Variants in TMEM74 observed in about 807,000 individuals in gnomAD.
TMEM74 encodes transmembrane protein 74.
A neutral mutation model predicts 18.1 loss-of-function variants in TMEM74; 13 were observed. The ratio of observed to expected loss-of-function variants is 0.72; its 90% CI spans 0.47 to 1.14. The LOEUF (loss-of-function observed/expected upper bound fraction) is 1.14, where lower values mean the gene tolerates loss of function less well. TMEM74 is among the 50% of genes most tolerant of loss of function. The probability of loss-of-function intolerance (pLI) is 0.00; values close to 1 mark genes in which losing one functional copy is unlikely to be tolerated. For missense variants in TMEM74, 372 were observed against 375.9 expected, an observed-to-expected ratio of 0.99 and a Z score of 0.09; for synonymous variants, 159 against 146.6, an observed-to-expected ratio of 1.08 and a Z score of -0.61.
intron 1 of TMEM74, among the ~76,000 whole-genome samples, chr8:108,683,412 T>C (rs1481624163): frequency 6.6e-6 from 1 of 151,836 alleles, no homozygotes; most frequent in Non-Finnish European, 1.5e-5. Context: ...AGCATTTTTT[T>C]CAGACAATAA....
At chr8:108,632,533 C>T (rs994054260) in intron 2 of TMEM74, among the ~76,000 whole-genome samples, 1 of 151,872 alleles carries the variant, frequency 6.6e-6, no homozygotes, top group African/African-American at 2.4e-5. Flanking sequence ...AAACCTCTAA[C>T]TACCATTTCA....
intron 2 of TMEM74, among the ~76,000 whole-genome samples, chr8:108,622,259 C>T (rs1812451263): frequency 6.6e-6 from 1 of 152,080 alleles, no homozygotes; most frequent in Non-Finnish European, 1.5e-5. Flanking sequence ...ATGACCACTA[C>T]TGATGGAACA....
intron 1 of TMEM74, among the ~76,000 whole-genome samples, chr8:108,720,763 TTTG>T (rs1813579689): frequency 6.6e-6 from 1 of 151,864 alleles, no homozygotes; most frequent in African/African-American, 2.4e-5. Context: ...TATTAGTTTG[TTTG>T]TTTGTTTGTT....
chr8:108,747,597 G>A (rs559795075), intron 1 of TMEM74, among the ~76,000 whole-genome samples: 4 of 152,024 alleles, frequency 2.6e-5, no homozygotes, highest in Admixed American at 6.6e-5. Context: ...GGGTACATGT[G>A]CAGGTTTGTT....
At chr8:108,786,756 G>A (rs1814390534) in intron 1 of TMEM74, among the ~76,000 whole-genome samples, 1 of 152,048 alleles carries the variant, frequency 6.6e-6, no homozygotes, top group Admixed American at 6.5e-5. Flanking sequence ...CAGGCATTAG[G>A]GGCTCTGATT....
intron 1 of TMEM74, among the ~76,000 whole-genome samples, chr8:108,735,065 C>T (rs183838577): frequency 2.0e-4 from 31 of 152,228 alleles, no homozygotes; most frequent in African/African-American, 7.0e-4. Context: ...CATCATTCTC[C>T]GTCAATGTCC....
intron 2 of TMEM74, among the ~76,000 whole-genome samples, chr8:108,624,298 G>T (rs1444696324): frequency 6.6e-6 from 1 of 152,080 alleles, no homozygotes; most frequent in Non-Finnish European, 1.5e-5. Flanking sequence ...AATAATGAAT[G>T]CAATAACCTA....
intron 1 of TMEM74, among the ~76,000 whole-genome samples, chr8:108,756,043 T>C (rs1280901224): frequency 6.6e-6 from 1 of 152,004 alleles, no homozygotes; most frequent in Non-Finnish European, 1.5e-5. Flanking sequence ...AAATACTGGG[T>C]AATAAGAAAA....
chr8:108,659,254 A>AACACACACACACACACACAAACACACAC lies in TMEM74; in HGVS notation n.120-3818_120-3817insGTGTGTGTTTGTGTGTGTGTGTGTGTGT, dbSNP rs6150751. Among the ~76,000 whole-genome samples the AACACACACACACACACACAAACACACAC allele has an allele frequency of 8.0e-4, 120 of 149,856 alleles. 2 individuals carry two copies. The South Asian group carries it at 0.016, about 20-fold the overall frequency. On this transcript the variant is annotated intron_variant and non_coding_transcript_variant, in intron 1 of 3. Transcript: ENST00000518838. ...GTGTGGCCTTTATAGATAGCCCACT[A>AACACACACACACACACACAAACACACAC]ACACACACACACATACAGACACACA...
At chr8:108,626,767 A>C (rs1464511861) in intron 2 of TMEM74, 1 of 152,006 alleles carries the variant, frequency 6.6e-6, no homozygotes, top group Non-Finnish European at 1.5e-5. Flanking sequence ...GCTAGACCCT[A>C]TCTGTCTATC....
chr8:108,607,532 T>G lies in TMEM74; in HGVS notation n.573A>C, dbSNP rs188065509. Reference sequence around the variant, plus strand: ...ATAAAATGATGGCCTGTTGGTGTTATGGTAAACTATTCTTTGATTAAATTG... The same window carrying G: ...ATAAAATGATGGCCTGTTGGTGTTAGGGTAAACTATTCTTTGATTAAATTG... On this transcript the variant is annotated non_coding_transcript_exon_variant, in exon 4 of 4. Coordinates refer to the TMEM74 transcript ENST00000518838. The G allele has an allele frequency of 7.5e-4, 115 of 152,364 alleles. 4 individuals carry two copies. Among genetic ancestry groups the G allele is most frequent in the African/African-American group, 2.7e-3 (112 of 41,592 alleles). 9.4% of individuals were successfully genotyped at this position (152,364 alleles called of 1,614,324 possible).
intron 1 of TMEM74, among the ~76,000 whole-genome samples, chr8:108,713,394 T>C (rs1288838654): frequency 6.6e-6 from 1 of 152,046 alleles, no homozygotes; most frequent in Non-Finnish European, 1.5e-5. Context: ...AGAAAAGAGA[T>C]GAATTAATTG....
intron 2 of TMEM74, among the ~76,000 whole-genome samples, chr8:108,640,511 A>C (rs561442264): frequency 6.6e-6 from 1 of 152,074 alleles, no homozygotes; most frequent in Non-Finnish European, 1.5e-5. Flanking sequence ...AAAATATTCT[A>C]TATCAGCCTT....
intron 2 of TMEM74, among the ~76,000 whole-genome samples, chr8:108,655,045 T>C (rs777039924): frequency 6.1e-4 from 93 of 152,166 alleles, no homozygotes; most frequent in Middle Eastern, 3.2e-3. Flanking sequence ...AGAACATCGA[T>C]TTTCCTTTGA....
intron 1 of TMEM74, among the ~76,000 whole-genome samples, chr8:108,743,498 T>C (rs1211928836): frequency 6.6e-6 from 1 of 152,144 alleles, no homozygotes; most frequent in African/African-American, 2.4e-5. Context: ...TTAAAATATA[T>C]GCAAAGTGTT....
At chr8:108,684,178 T>C (rs1813145202) in intron 1 of TMEM74, among the ~76,000 whole-genome samples, 1 of 152,110 alleles carries the variant, frequency 6.6e-6, no homozygotes, top group Non-Finnish European at 1.5e-5. Flanking sequence ...GGAACCTTCA[T>C]ACTGGTCCTT....
chr8:108,755,430 T>G (rs1289883462), intron 1 of TMEM74, among the ~76,000 whole-genome samples: 2 of 152,116 alleles, frequency 1.3e-5, no homozygotes, highest in East Asian at 3.9e-4. Context: ...CATAGAAAAC[T>G]AATATAACCT....
At chr8:108,703,711 C>T (rs1251029687) in intron 1 of TMEM74, among the ~76,000 whole-genome samples, 2 of 152,172 alleles carry the variant, frequency 1.3e-5, no homozygotes, top group African/African-American at 2.4e-5. Context: ...TACTACATGC[C>T]AGAAACTGTA....
intron 2 of TMEM74, among the ~76,000 whole-genome samples, chr8:108,616,576 T>C (rs1812386094): frequency 6.6e-6 from 1 of 152,214 alleles, no homozygotes; most frequent in African/African-American, 2.4e-5. Context: ...TCTGGCATTA[T>C]GGCAGATATA....
Sources: gnomAD v4.1 joint callset for allele counts (sites outside exome capture counted in the v4.1 genomes callset) on GRCh38, gnomAD v4.1.1 for gene constraint, MANE v1.5 for transcripts, NCBI Gene and HGNC (gene_info 2026-07-23, HGNC 2026-07-21) for gene names.